Variants in LRP8 observed in about 807,000 individuals in gnomAD.
LRP8 encodes the protein low-density lipoprotein receptor-related protein 8.
Under a neutral mutation model 111.6 loss-of-function variants are expected in LRP8, and 46 were observed. That is an observed-to-expected ratio of 0.41 (90% CI 0.33 to 0.53). LRP8 has a LOEUF of 0.53. LRP8 is among the 20% of genes least tolerant of loss of function. The pLI, the probability that LRP8 is intolerant of heterozygous loss-of-function variation, is 0.20. For missense variants in LRP8, 959 were observed against 1,297.4 expected (o/e 0.74, Z 4.01); for synonymous variants, 464 against 511.2 (o/e 0.91, Z 1.24).
rs140923156 is a variant in LRP8, at chr1:53,249,495, G to A, written c.2738C>T (p.Pro913Leu). The A allele has an allele frequency of 8.7e-5, 141 of 1,613,268 alleles. No individual in the cohort carries two copies. Among genetic ancestry groups the A allele is most frequent in the Admixed American group, 3.3e-5 (2 of 59,998 alleles). Residue 913 changes from proline (P) to leucine (L), a missense_variant, in exon 18 of 19, where the codon CCG becomes CTG. Physicochemically the swap from Pro to Leu is moderately conservative, Grantham distance 98. Coordinates refer to ENST00000306052, the MANE Select transcript of LRP8 (RefSeq NM_004631.5). The surrounding 1 kb of genome is among the most constrained non-coding windows in gnomAD (Gnocchi z 4.1). ...AEPCLGETREPEDPAPALKEL... is the reference protein window; with the variant it reads ...AEPCLGETRELEDPAPALKEL... The stretch of plus-strand genomic sequence containing the variant: ...CTTGAGGGCAGGGGCTGGGTCTTCC[G>A]GTTCTCTGGTCTCCCCAAGACAGGG...
At chr1:53,302,848 C>A (rs1167500030) in intron 2 of LRP8, among the ~76,000 whole-genome samples, 1 of 99,382 alleles carries the variant, frequency 1.0e-5, no homozygotes, top group Non-Finnish European at 2.1e-5. Flanking sequence ...CACCACCACA[C>A]CCAGCTAATT....
At chr1:53,273,029 GCA>G (rs1373589890) in intron 6 of LRP8, among the ~76,000 whole-genome samples, 2 of 152,236 alleles carry the variant, frequency 1.3e-5, no homozygotes, top group Non-Finnish European at 2.9e-5. Flanking sequence ...ATGAAGGAAG[GCA>G]CAGAGTCCTC....
chr1:53,258,483 G>C lies in LRP8; in HGVS notation c.2057-12C>G. Reference sequence around the variant, plus strand: ...ACAGGCATCTGGAGCTAATGGCAGAGAGGGAGACAGCTGGGGCACAGACAG... The same window carrying C: ...ACAGGCATCTGGAGCTAATGGCAGACAGGGAGACAGCTGGGGCACAGACAG... On this transcript the variant is annotated splice_polypyrimidine_tract_variant and intron_variant, in intron 13 of 18. Coordinates refer to ENST00000306052, the MANE Select transcript of LRP8 (RefSeq NM_004631.5). The C allele has an allele frequency of 6.2e-7, 1 of 1,613,260 alleles. No homozygotes were observed. The highest frequency in any genetic ancestry group is 8.5e-7 in the Non-Finnish European group (1 of 1,179,610).
rs1347709709 is a variant in LRP8 at position 53,262,753 on chromosome 1, G to A, written c.1656-189C>T. Among the ~76,000 whole-genome samples, 2 of 152,144 alleles carry A rather than the reference G, an allele frequency of 1.3e-5. No homozygotes were observed. The highest frequency in any genetic ancestry group is 4.8e-5 in the African/African-American group (2 of 41,432). ...GCACTTTAGCCTTCACCTCATTTGA[G>A]AACTTGAGGAAAACTATTCTCCGAG... On this transcript the variant is annotated intron_variant, in intron 10 of 18. Coordinates refer to ENST00000306052, the MANE Select transcript of LRP8 (RefSeq NM_004631.5). The surrounding 1 kb of genome is among the most constrained non-coding windows in gnomAD (Gnocchi z 4.8).
chr1:53,327,286 T>C (rs1376860324), intron 1 of LRP8: 1 of 444,174 alleles, frequency 2.3e-6, no homozygotes, highest in Non-Finnish European at 4.1e-6. Flanking sequence ...GTCAGAGATC[T>C]GCTCAGATAC....
chr1:53,282,814 T>C (rs1358014630), intron 3 of LRP8, among the ~76,000 whole-genome samples: 1 of 152,132 alleles, frequency 6.6e-6, no homozygotes, highest in Non-Finnish European at 1.5e-5. Context: ...GGATGTTTCA[T>C]CTCTTTTCAA....
Position 53,266,672 on chromosome 1 carries a change from G to C in LRP8, c.1253-25C>G, listed in dbSNP as rs770613597. On this transcript the variant is annotated intron_variant, in intron 8 of 18. Transcript: ENST00000306052. This position sits in a 1 kb window ranked among gnomAD's most constrained non-coding sequence, Gnocchi z 5.0. ...GCTGTCATGCAGGGAGGTTGAAAGA[G>C]AAAGAGTCAGTGCAAGAGGCAGGGA... is the stretch of plus-strand genomic sequence containing the variant. 1.2e-5 allele frequency: 19 copies of C among 1,611,124 alleles called. No homozygotes were observed. Among genetic ancestry groups the C allele is most frequent in the Middle Eastern group, 1.8e-4 (1 of 5,688 alleles).
chr1:53,263,030 C>A (rs1646402118), intron 10 of LRP8, among the ~76,000 whole-genome samples: 1 of 152,230 alleles, frequency 6.6e-6, no homozygotes, highest in African/African-American at 2.4e-5. Flanking sequence ...CTAACCCACT[C>A]CTTTGTAAAT....
At chr1:53,284,895 G>A (rs1647324816) in intron 3 of LRP8, among the ~76,000 whole-genome samples, 2 of 152,074 alleles carry the variant, frequency 1.3e-5, no homozygotes, top group East Asian at 2.0e-4. Context: ...GAGAGCAAAA[G>A]GGACCTGCCT....
rs1451033780 is a variant in LRP8, at chr1:53,245,196, G to A, written c.*1822C>T. The A allele has an allele frequency of 6.6e-6, 1 of 152,260 alleles. No individual in the cohort carries two copies. Among genetic ancestry groups the A allele is most frequent in the Non-Finnish European group, 1.5e-5 (1 of 68,078 alleles). 9.4% of individuals were successfully genotyped at this position (152,260 alleles called of 1,614,324 possible). A position where few individuals can be genotyped will look rare whatever the true frequency, so the allele number is the denominator to read the frequency against. ...AGCTGGTGAGACATCCAACTTCATTGAGTTGGGGGCATCTGGCAGGTAGGG... is the reference window on the plus strand; with the variant it reads ...AGCTGGTGAGACATCCAACTTCATTAAGTTGGGGGCATCTGGCAGGTAGGG... On this transcript the variant is annotated 3_prime_UTR_variant, in exon 19 of 19. Transcript: ENST00000306052.
intron 2 of LRP8, among the ~76,000 whole-genome samples, chr1:53,323,357 C>T (rs914970689): frequency 3.9e-5 from 6 of 152,232 alleles, no homozygotes; most frequent in South Asian, 2.1e-4. Flanking sequence ...GCACGATGCC[C>T]GGTCCACAGC....
At chr1:53,273,541 G>A (rs1040773765) in intron 6 of LRP8, among the ~76,000 whole-genome samples, 2 of 152,198 alleles carry the variant, frequency 1.3e-5, no homozygotes, top group South Asian at 2.1e-4. Context: ...TCATGCAAAC[G>A]ACGAGAGAGA....
At chr1:53,310,026 T>C (rs574018865) in intron 2 of LRP8, among the ~76,000 whole-genome samples, 1 of 152,186 alleles carries the variant, frequency 6.6e-6, no homozygotes, top group South Asian at 2.1e-4. Flanking sequence ...GACTGACCTT[T>C]CCTGTCAGTT....
At chr1:53,301,280 G>T (rs756199471) in intron 2 of LRP8, among the ~76,000 whole-genome samples, 4 of 152,292 alleles carry the variant, frequency 2.6e-5, no homozygotes, top group Middle Eastern at 3.4e-3. Flanking sequence ...TAGCAGACTG[G>T]CCCTGGGTCC....
chr1:53,302,332 T>G (rs1461284753), intron 2 of LRP8, among the ~76,000 whole-genome samples: 1 of 152,072 alleles, frequency 6.6e-6, no homozygotes, highest in Admixed American at 6.6e-5. Flanking sequence ...CAGGGAGGTG[T>G]AAGCGTGTGG....
Position 53,266,742 on chromosome 1 carries a change from C to T in LRP8, c.1253-95G>A. The T allele has an allele frequency of 1.3e-5, 14 of 1,117,848 alleles. No individual in the cohort carries two copies. The highest frequency in any genetic ancestry group is 1.9e-5 in the Non-Finnish European group (14 of 750,164). 69.2% of individuals were successfully genotyped at this position (1,117,848 alleles called of 1,614,324 possible). On this transcript the variant is annotated intron_variant, in intron 8 of 18. Coordinates refer to ENST00000306052, the MANE Select transcript of LRP8 (RefSeq NM_004631.5). The surrounding 1 kb of genome is among the most constrained non-coding windows in gnomAD (Gnocchi z 5.0). The stretch of plus-strand genomic sequence containing the variant: ...GCCACTGGCTTGCTGGCTGACACAT[C>T]CATTTTCCTTAAAATAGTAGTGACA...
At position 53,266,917 on chromosome 1, in the gene LRP8, GGCCTGCACTGAAA is replaced by G; in HGVS notation, c.1253-283_1253-271del. ...TTTATGGCTCCCCATTTTCTCCTTA[GGCCTGCACTGAAA>G]GCCTTCCACAGTGTGACCCCAAGTT... On this transcript the variant is annotated intron_variant, in intron 8 of 18. Coordinates refer to ENST00000306052, the MANE Select transcript of LRP8 (RefSeq NM_004631.5). This position sits in a 1 kb window ranked among gnomAD's most constrained non-coding sequence, Gnocchi z 5.0. 1 of 389,670 alleles carries G rather than the reference GGCCTGCACTGAAA, an allele frequency of 2.6e-6. No homozygotes were observed. The allele number at this position is 389,670 out of a possible 1,614,324, so 24.1% of individuals were successfully genotyped here.
At chr1:53,316,295 G>C (rs1557865786) in intron 2 of LRP8, among the ~76,000 whole-genome samples, 1 of 152,058 alleles carries the variant, frequency 6.6e-6, no homozygotes, top group African/African-American at 2.4e-5. Flanking sequence ...CCTACAGTAG[G>C]CAGTAGAGGC....
At chr1:53,273,221 G>A (rs1646813442) in intron 6 of LRP8, among the ~76,000 whole-genome samples, 1 of 152,160 alleles carries the variant, frequency 6.6e-6, no homozygotes, top group Non-Finnish European at 1.5e-5. Flanking sequence ...GTGCAGAGAG[G>A]CCAGAGTAGT....
Sources: gnomAD v4.1 joint callset for allele counts (sites outside exome capture counted in the v4.1 genomes callset) on GRCh38, gnomAD v4.1.1 for gene constraint, Gnocchi (gnomAD v3.1) non-coding constraint, MANE v1.5 for transcripts, NCBI Gene and HGNC (gene_info 2026-07-23, HGNC 2026-07-21) for gene names.